Variants in ACTR3C observed in about 807,000 individuals in gnomAD.
ACTR3C encodes the protein actin-related protein 3C.
ACTR3C carries 18 observed loss-of-function variants against 26.3 expected under a neutral mutation model. The observed-to-expected ratio is 0.68, with a 90% CI of 0.47 to 1.01. The LOEUF is 1.01. Ranked by LOEUF, ACTR3C falls within the 50% of genes least tolerant of loss-of-function variation. ACTR3C has a pLI of 0.00. For synonymous variants in ACTR3C, 55 were observed against 94.5 expected (o/e 0.58, Z 2.42); for missense variants, 184 against 250.7 (o/e 0.73, Z 1.80).
chr7:150,296,358 A>G (rs959419255), intron 1 of ACTR3C, among the ~76,000 whole-genome samples: 2 of 129,460 alleles, frequency 1.5e-5, no homozygotes, highest in African/African-American at 3.6e-5. Flanking sequence ...AAAAGACCGA[A>G]AAAAAAAAAT....
the ACTR3C span, among the ~76,000 whole-genome samples, chr7:150,167,018 G>GTA: frequency 1.2e-3 from 178 of 147,230 alleles, 1 homozygote; most frequent in Middle Eastern, 3.5e-3. Flanking sequence ...ATTCCACTGT[G>GTA]TATATATATA....
chr7:150,003,130 T>C, the ACTR3C span: 1 of 149,814 alleles, frequency 6.7e-6, no homozygotes. Flanking sequence ...CAACAGAAGT[T>C]TGTGTGTGTG....
chr7:150,223,531 G>A, the ACTR3C span, among the ~76,000 whole-genome samples: 1 of 151,904 alleles, frequency 6.6e-6, no homozygotes, highest in Non-Finnish European at 1.5e-5. Context: ...TTCCCAAGAC[G>A]TTAGTACAAT....
chr7:150,136,084 C>G, the ACTR3C span, among the ~76,000 whole-genome samples: 2 of 152,098 alleles, frequency 1.3e-5, no homozygotes, highest in African/African-American at 4.8e-5. Flanking sequence ...ACACTGAGAC[C>G]TCTGAGCAGC....
At chr7:150,247,033 T>C (rs1199340454), downstream of ACTR3C, 1 of 152,470 alleles carries the variant, frequency 6.6e-6, no homozygotes, top group South Asian at 2.1e-4. Context: ...CGACCTCAGA[T>C]GATCTGCCCG....
chr7:150,149,552 T>A, the ACTR3C span, among the ~76,000 whole-genome samples: 2 of 133,692 alleles, frequency 1.5e-5, no homozygotes, highest in East Asian at 4.7e-4. Context: ...TGTCCAAGTG[T>A]TCTCATTGTT....
chr7:150,314,046 G>A (rs549778757), intron 1 of ACTR3C, among the ~76,000 whole-genome samples: 1 of 152,220 alleles, frequency 6.6e-6, no homozygotes, highest in Non-Finnish European at 1.5e-5. Flanking sequence ...TCCCTCCAGG[G>A]CGAGTGAGCT....
chr7:150,186,953 G>T, the ACTR3C span, among the ~76,000 whole-genome samples: 14 of 152,078 alleles, frequency 9.2e-5, no homozygotes, highest in Non-Finnish European at 1.8e-4. Flanking sequence ...AAGGTCAGTA[G>T]AGAAGCCTTT....
the ACTR3C span, among the ~76,000 whole-genome samples, chr7:150,030,588 A>C: frequency 6.6e-6 from 1 of 152,190 alleles, no homozygotes; most frequent in East Asian, 1.9e-4. Flanking sequence ...TAGATGAATG[A>C]ATAAAATCTT....
At chr7:150,183,642 T>C in the ACTR3C span, among the ~76,000 whole-genome samples, 1 of 146,424 alleles carries the variant, frequency 6.8e-6, no homozygotes, top group Non-Finnish European at 1.5e-5. Flanking sequence ...AACTTCCATA[T>C]CTTTACATCT....
the ACTR3C span, among the ~76,000 whole-genome samples, chr7:150,023,607 T>C: frequency 6.6e-6 from 1 of 151,688 alleles, no homozygotes; most frequent in Middle Eastern, 3.2e-3. Flanking sequence ...TACCAATTTC[T>C]CCTTAGGATC....
chr7:149,920,391 C>T, the ACTR3C span, among the ~76,000 whole-genome samples: 3 of 151,050 alleles, frequency 2.0e-5, no homozygotes, highest in South Asian at 2.1e-4. Flanking sequence ...ACGGTAACCT[C>T]GAACTCTTAG....
the ACTR3C span, among the ~76,000 whole-genome samples, chr7:149,996,137 C>T: frequency 1.1e-4 from 16 of 152,242 alleles, no homozygotes; most frequent in African/African-American, 3.4e-4. Flanking sequence ...TTCTAGGGGA[C>T]GTGGGGAGCA....
the ACTR3C span, among the ~76,000 whole-genome samples, chr7:150,169,013 GT>G: frequency 2.0e-5 from 3 of 150,702 alleles, no homozygotes; most frequent in South Asian, 6.2e-4. Context: ...TGGGAAGTGG[GT>G]CCTTTGGGAA....
the ACTR3C span, among the ~76,000 whole-genome samples, chr7:149,969,467 T>C: frequency 6.6e-6 from 1 of 152,046 alleles, no homozygotes. Flanking sequence ...CAGCTCCAAG[T>C]TAGTGAGGGC....
chr7:150,112,086 T>A, the ACTR3C span, among the ~76,000 whole-genome samples: 1 of 149,088 alleles, frequency 6.7e-6, no homozygotes, highest in Non-Finnish European at 1.5e-5. Context: ...TGATTTCCTA[T>A]CCACGCTGAG....
the ACTR3C span, among the ~76,000 whole-genome samples, chr7:150,037,471 T>A: frequency 1.1e-4 from 5 of 44,856 alleles, no homozygotes; most frequent in East Asian, 1.3e-3. Context: ...CTCCCCCCCC[T>A]GCGATGGGGG....
At chr7:150,280,273 T>C (rs1309238003) in intron 6 of ACTR3C, among the ~76,000 whole-genome samples, 1 of 152,068 alleles carries the variant, frequency 6.6e-6, no homozygotes, top group Non-Finnish European at 1.5e-5. Flanking sequence ...CCCAGGCTGA[T>C]TTTCACCTGC....
intron 1 of ACTR3C, among the ~76,000 whole-genome samples, chr7:150,309,343 T>C (rs188720380): frequency 6.6e-6 from 1 of 152,364 alleles, no homozygotes; most frequent in Non-Finnish European, 1.5e-5. Flanking sequence ...AAGGCCATCT[T>C]ATTCTCAATA....
Sources: gnomAD v4.1 joint callset for allele counts (sites outside exome capture counted in the v4.1 genomes callset) on GRCh38, gnomAD v4.1.1 for gene constraint, MANE v1.5 for transcripts, NCBI Gene and HGNC (gene_info 2026-07-23, HGNC 2026-07-21) for gene names.